EGFLAM: variants seen among roughly 807,000 people sequenced by gnomAD.
The protein encoded by EGFLAM is EGF like, fibronectin type III and laminin G domains.
In EGFLAM, 79 loss-of-function variants were observed where a neutral mutation model predicts 113.1. That is an observed-to-expected ratio of 0.70 (90% CI 0.58 to 0.84). The LOEUF is 0.84. EGFLAM is among the 40% of genes least tolerant of loss of function. The pLI is 0.00. For synonymous variants in EGFLAM, 504 were observed against 487.6 expected, an observed-to-expected ratio of 1.03 and a Z score of -0.44; for missense variants, 1,265 against 1,291.6, an observed-to-expected ratio of 0.98 and a Z score of 0.32.
At chr5:38,451,856 G>C (rs112932754) in intron 19 of EGFLAM, among the ~76,000 whole-genome samples, 8,268 of 151,960 alleles carry the variant, frequency 0.054, 714 homozygotes, top group African/African-American at 0.18. Flanking sequence ...GCCGGGTGTG[G>C]TGGCAGGCAC....
chr5:38,335,511 C>G (rs1470588788), intron 1 of EGFLAM, among the ~76,000 whole-genome samples: 1 of 152,140 alleles, frequency 6.6e-6, no homozygotes, highest in African/African-American at 2.4e-5. Context: ...TGTGATTTCC[C>G]AGTTTAGAAA....
chr5:38,414,566 G>T (rs1263282618), intron 11 of EGFLAM, among the ~76,000 whole-genome samples: 3 of 152,292 alleles, frequency 2.0e-5, no homozygotes. Flanking sequence ...AGCTTCTAGT[G>T]ACTCAGATGG....
intron 5 of EGFLAM, among the ~76,000 whole-genome samples, chr5:38,356,572 G>T (rs1054345992): frequency 1.3e-5 from 2 of 152,154 alleles, no homozygotes; most frequent in Non-Finnish European, 2.9e-5. Flanking sequence ...CTCTTTTTAT[G>T]AATCCCCATG....
At chr5:38,380,751 C>T (rs1437326230) in intron 6 of EGFLAM, among the ~76,000 whole-genome samples, 1 of 152,010 alleles carries the variant, frequency 6.6e-6, no homozygotes, top group East Asian at 1.9e-4. Flanking sequence ...TTCATTTGCA[C>T]AACTTTATTG....
chr5:38,272,455 G>T (rs1046035262), intron 1 of EGFLAM, among the ~76,000 whole-genome samples: 1 of 152,194 alleles, frequency 6.6e-6, no homozygotes, highest in Non-Finnish European at 1.5e-5. Context: ...TGCGGGAAAA[G>T]GATAAAGCTA....
intron 11 of EGFLAM, among the ~76,000 whole-genome samples, chr5:38,416,846 G>A (rs979094541): frequency 6.6e-6 from 1 of 152,188 alleles, no homozygotes; most frequent in Non-Finnish European, 1.5e-5. Context: ...AGCTTGTGTT[G>A]AGTCTACTAT....
chr5:38,370,107 T>TA (rs1239753123), intron 5 of EGFLAM, among the ~76,000 whole-genome samples, 189 bp from the exon 6 acceptor site: 2 of 152,250 alleles, frequency 1.3e-5, no homozygotes, highest in Non-Finnish European at 2.9e-5. Flanking sequence ...TACTTGTTTT[T>TA]ATCGGCAGGG....
chr5:38,305,658 T>G (rs1381939600), intron 1 of EGFLAM: 5 of 198,222 alleles, frequency 2.5e-5, no homozygotes, highest in Admixed American at 1.7e-4. Context: ...CAAAATAATG[T>G]TGATAAAACA....
chr5:38,336,258 A>G (rs926776965), intron 1 of EGFLAM, among the ~76,000 whole-genome samples: 1 of 152,200 alleles, frequency 6.6e-6, no homozygotes, highest in Non-Finnish European at 1.5e-5. Context: ...TAATCACTAT[A>G]TATAACAAAA....
intron 1 of EGFLAM, among the ~76,000 whole-genome samples, chr5:38,330,337 A>G (rs1368883965): frequency 6.6e-6 from 1 of 152,192 alleles, no homozygotes; most frequent in Non-Finnish European, 1.5e-5. Context: ...AAGGCCATCA[A>G]AACATGAGAA....
At chr5:38,419,840 C>T (rs942297307) in intron 12 of EGFLAM, among the ~76,000 whole-genome samples, 1 of 152,138 alleles carries the variant, frequency 6.6e-6, no homozygotes, top group South Asian at 2.1e-4. Flanking sequence ...CCAGCCTGGC[C>T]AACATGGTGA....
intron 6 of EGFLAM, among the ~76,000 whole-genome samples, chr5:38,395,499 C>T (rs1479625831): frequency 5.9e-5 from 9 of 152,138 alleles, no homozygotes; most frequent in Admixed American, 5.9e-4. Context: ...TTATTATCTC[C>T]TAGCACTTTG....
chr5:38,283,212 C>A (rs1190538613), intron 1 of EGFLAM, among the ~76,000 whole-genome samples: 1 of 152,084 alleles, frequency 6.6e-6, no homozygotes, highest in African/African-American at 2.4e-5. Context: ...GACCCGTTCT[C>A]CAATTGCAGA....
chr5:38,352,313 A>C lies in EGFLAM; in HGVS notation c.527A>C (p.Tyr176Ser). The C allele has an allele frequency of 6.2e-7, 1 of 1,613,988 alleles. No individual in the cohort carries two copies. Among genetic ancestry groups the C allele is most frequent in the Non-Finnish European group, 8.5e-7 (1 of 1,179,954 alleles). Residue 176 changes from tyrosine to serine, a missense_variant, in exon 5 of 22, where the codon TAT becomes TCT. Physicochemically the swap from Tyr to Ser is moderately radical, Grantham distance 144 (BLOSUM62 -2). Transcript: ENST00000322350. ...ASEGSAPIQY[Y>S]SVEFIRPDFD... ...GAAGGAAGCGCCCCTATTCAGTACTATTCTGTGGAATTCATCAGGTAAGTC... is the reference window on the plus strand; with the variant it reads ...GAAGGAAGCGCCCCTATTCAGTACTCTTCTGTGGAATTCATCAGGTAAGTC...
intron 1 of EGFLAM, among the ~76,000 whole-genome samples, chr5:38,326,403 G>A (rs34775687): frequency 1.4e-3 from 217 of 152,274 alleles, no homozygotes; most frequent in Admixed American, 3.2e-3. Flanking sequence ...CCTCCCTGAT[G>A]GCACTTTGGT....
intron 6 of EGFLAM, among the ~76,000 whole-genome samples, chr5:38,372,827 A>G (rs2451003): frequency 0.35 from 53,759 of 152,036 alleles, 10,899 homozygotes; most frequent in African/African-American, 0.56. Context: ...TAGTATTTCA[A>G]TCGTGGTTTT....
At chr5:38,431,487 G>T (rs959112970) in intron 15 of EGFLAM, among the ~76,000 whole-genome samples, 199 bp downstream of exon 15, 3 of 152,166 alleles carry the variant, frequency 2.0e-5, no homozygotes, top group African/African-American at 7.2e-5. Flanking sequence ...AATAGTATGG[G>T]CCTCATAGAG....
intron 6 of EGFLAM, among the ~76,000 whole-genome samples, chr5:38,396,063 T>TTTTTTTTTTTTTTTTTTTTTTTTTTTGAG (rs1482050151): frequency 6.6e-6 from 1 of 151,964 alleles, no homozygotes; most frequent in African/African-American, 2.4e-5. Flanking sequence ...ACCCACTCTT[T>TTTTTTTTTTTTTTTTTTTTTTTTTTTGAG]AAAAGCCTCC....
intron 1 of EGFLAM, among the ~76,000 whole-genome samples, chr5:38,264,025 G>A (rs1579699672): frequency 6.6e-6 from 1 of 152,192 alleles, no homozygotes; most frequent in East Asian, 1.9e-4. Flanking sequence ...ACAAGGTTCT[G>A]TCAGTGAAGT....
Sources: gnomAD v4.1 joint callset for allele counts (sites outside exome capture counted in the v4.1 genomes callset) on GRCh38, gnomAD v4.1.1 for gene constraint, MANE v1.5 for transcripts, NCBI Gene and HGNC (gene_info 2026-07-23, HGNC 2026-07-21) for gene names.